Variants in CLASP1 observed in about 807,000 individuals in gnomAD.
CLASP1 encodes CLIP-associating protein 1.
CLASP1 carries 38 observed loss-of-function variants against 192.3 expected under a neutral mutation model. The observed-to-expected ratio is 0.20, with a 90% CI of 0.15 to 0.26. The LOEUF (loss-of-function observed/expected upper bound fraction) is 0.26, where lower values mean the gene tolerates loss of function less well. Among genes scored for constraint, CLASP1 ranks in the 10% least tolerant of loss-of-function variants. The pLI is 1.00. For missense variants in CLASP1, 1,433 were observed against 1,932.5 expected (o/e 0.74, Z 4.85); for synonymous variants, 691 against 712.8 (o/e 0.97, Z 0.49).
chr2:121,586,130 C>A (rs1261843509), intron 2 of CLASP1, among the ~76,000 whole-genome samples: 1 of 151,804 alleles, frequency 6.6e-6, no homozygotes, highest in African/African-American at 2.4e-5. Context: ...GGACCCTATT[C>A]TTTTTTTCTT....
chr2:121,349,842 AG>A (rs1008653922), intron 37 of CLASP1, among the ~76,000 whole-genome samples: 13 of 152,338 alleles, frequency 8.5e-5, no homozygotes, highest in African/African-American at 3.1e-4. Context: ...TGAGCAAGAA[AG>A]AGGACAGCAG....
exon 14 of CLASP1, chr2:121,457,698 G>A (rs748141858): frequency 1.6e-5 from 26 of 1,611,332 alleles, no homozygotes; most frequent in Admixed American, 3.3e-5. Flanking sequence ...TTCTAACTGC[G>A]ACAGACTTAG....
At chr2:121,461,152 A>G (rs374655032) in exon 11 of CLASP1, 21 of 1,606,282 alleles carry the variant, frequency 1.3e-5, no homozygotes, top group Non-Finnish European at 1.7e-5. Flanking sequence ...ATATTTCCCT[A>G]ATTTTGTTTA....
chr2:121,527,182 T>A (rs1237694892), intron 5 of CLASP1, among the ~76,000 whole-genome samples: 1 of 152,202 alleles, frequency 6.6e-6, no homozygotes, highest in African/African-American at 2.4e-5. Flanking sequence ...TAGAAACTTG[T>A]ACATGAATGT....
At chr2:121,531,037 T>G (rs548176558) in intron 2 of CLASP1, 2 of 699,434 alleles carry the variant, frequency 2.9e-6, no homozygotes, top group Non-Finnish European at 5.2e-6. Context: ...GACTTATCAG[T>G]TCAAACAGCA....
intron 2 of CLASP1, among the ~76,000 whole-genome samples, chr2:121,535,476 A>G (rs1030299898): frequency 2.6e-5 from 4 of 152,220 alleles, no homozygotes; most frequent in African/African-American, 4.8e-5. Context: ...GAAGAGAACT[A>G]AACAGGAAAC....
chr2:121,531,200 A>C (rs556482665), intron 2 of CLASP1, among the ~76,000 whole-genome samples: 1 of 152,094 alleles, frequency 6.6e-6, no homozygotes, highest in African/African-American at 2.4e-5. Flanking sequence ...CTTTACGCCG[A>C]TCATCAACTG....
At position 121,425,267 on chromosome 2, in the gene CLASP1, C is replaced by G. The variant is rs763214607; in HGVS notation, c.2084G>C (p.Ser695Thr). 1.6e-5 allele frequency: 26 copies of G among 1,612,570 alleles called. No homozygotes were observed. Among genetic ancestry groups the G allele is most frequent in the Non-Finnish European group, 2.2e-5 (26 of 1,179,606 alleles). ...GCCCCCAGTAAGTCCACCATAACCACTTCCCAACAATTTTCCTGGGGAACT... is the reference window on the plus strand; with the variant it reads ...GCCCCCAGTAAGTCCACCATAACCAGTTCCCAACAATTTTCCTGGGGAACT... Residue 695 changes from serine (S) to threonine (T), a missense_variant, in exon 22 of 40, where the codon AGT (serine) becomes ACT (threonine). Ser to Thr is a moderately conservative substitution (Grantham distance 58). Around this residue, in one of 8 missense-constraint regions of CLASP1, gnomAD observed 445 missense variants for 535.5 expected, o/e 0.83. Coordinates refer to ENST00000263710, the Ensembl canonical transcript of CLASP1.
rs371749022 is a variant in CLASP1, at chr2:121,530,976, T to C, written c.196-651A>G. 12 of 700,314 alleles carry C rather than the reference T, an allele frequency of 1.7e-5. 1 individual carries two copies. The East Asian group carries it at 2.7e-4, about 16-fold the overall frequency. 43.4% of individuals were successfully genotyped at this position (700,314 alleles called of 1,614,324 possible). ...ACAACACACCCGCATCAACTAGAGC[T>C]TTTGCTTTATTTTGGTGCAATTTTT... On this transcript the variant is annotated intron_variant, in intron 2 of 39. Coordinates refer to ENST00000263710, the Ensembl canonical transcript of CLASP1.
Position 121,604,599 on chromosome 2 carries a change from T to C in CLASP1, c.195+1102A>G, listed in dbSNP as rs185156597. 2.1e-3 allele frequency among the ~76,000 whole-genome samples: 314 copies of C among 152,130 alleles called. 1 individual carries two copies. The Middle Eastern group carries it at 0.024, about 12-fold the overall frequency. On this transcript the variant is annotated intron_variant, in intron 2 of 39. Coordinates refer to ENST00000263710, the Ensembl canonical transcript of CLASP1. ...GGGAGGATTGCTTGAGCCCAGGAGG[T>C]GGAGGTTGCAGTGAGCCAAGATAGT... is the stretch of plus-strand genomic sequence containing the variant.
At position 121,622,550 on chromosome 2, in the gene CLASP1, C is replaced by T. The variant is rs963314129; in HGVS notation, c.-285-16370G>A. ...TGCCACTGCACTCCAGCGTGGGCGA[C>T]GAGTGAGACCCTGTCTCAAAAAAAA... is the stretch of plus-strand genomic sequence containing the variant. On this transcript the variant is annotated intron_variant, in intron 1 of 39. Coordinates refer to ENST00000263710, the Ensembl canonical transcript of CLASP1. Among the ~76,000 whole-genome samples the T allele has an allele frequency of 1.1e-4, 16 of 148,016 alleles. No individual in the cohort carries two copies. In the East Asian group the frequency reaches 3.0e-3, roughly 28 times the overall value.
At chr2:121,534,263 C>A (rs925600881) in intron 2 of CLASP1, among the ~76,000 whole-genome samples, 1 of 152,154 alleles carries the variant, frequency 6.6e-6, no homozygotes, top group Non-Finnish European at 1.5e-5. Context: ...ACCTAGTTAA[C>A]CCCCTACCAC....
rs747200495 is a variant in CLASP1 at position 121,449,129 on chromosome 2, AAC to A, written c.1524-11_1524-10del. 3.7e-6 allele frequency: 6 copies of A among 1,613,132 alleles called. No homozygotes were observed. In the Admixed American group the frequency reaches 1.0e-4, roughly 27 times the overall value. On this transcript the variant is annotated splice_polypyrimidine_tract_variant and intron_variant, in intron 16 of 39. Transcript: ENST00000263710. ...GGAAACCCCAGTAACATCTAGAGGA[AAC>A]ACACAAAATCCTGGTCTAATTCAAG...
exon 2 of CLASP1, chr2:121,606,107 G>A: frequency 1.8e-6 from 1 of 564,152 alleles, no homozygotes; most frequent in Non-Finnish European, 3.2e-6. Context: ...ATAACTAGTA[G>A]GAGATAAAGG....
At chr2:121,405,152 T>TA (rs1356215473) in intron 25 of CLASP1, among the ~76,000 whole-genome samples, 1 of 151,808 alleles carries the variant, frequency 6.6e-6, no homozygotes, top group African/African-American at 2.4e-5. Context: ...CTACTAAAAA[T>TA]AAAAAAATTA....
chr2:121,506,725 C>G (rs115475947), intron 7 of CLASP1, among the ~76,000 whole-genome samples: 2,052 of 152,244 alleles, frequency 0.013, 42 homozygotes, highest in African/African-American at 0.04. Context: ...TTTCAGAGCA[C>G]TGAAAGCATG....
chr2:121,636,433 GCGGGTGGATCAC>G (rs1384066715), intron 1 of CLASP1, among the ~76,000 whole-genome samples: 1 of 151,328 alleles, frequency 6.6e-6, no homozygotes, highest in African/African-American at 2.4e-5. Flanking sequence ...GGAGGCCGAG[GCGGGTGGATCAC>G]CTGAGGTCAG....
intron 31 of CLASP1, among the ~76,000 whole-genome samples, 194 bp from the exon 33 acceptor site, chr2:121,387,422 T>G (rs1225962015): frequency 1.3e-5 from 2 of 152,024 alleles, no homozygotes; most frequent in Admixed American, 1.3e-4. Flanking sequence ...ATACAAGCAC[T>G]CCTGGAGTCA....
intron 19 of CLASP1, among the ~76,000 whole-genome samples, chr2:121,432,298 T>C (rs2081572518): frequency 6.6e-6 from 1 of 152,116 alleles, no homozygotes; most frequent in Admixed American, 6.5e-5. Flanking sequence ...TTTGTATTTT[T>C]AGTAGAGTCA....
Sources: gnomAD v4.1 joint callset for allele counts (sites outside exome capture counted in the v4.1 genomes callset) on GRCh38, gnomAD v4.1.1 for gene constraint, gnomAD v4.1.1 regional missense constraint, MANE v1.5 for transcripts, NCBI Gene and HGNC (gene_info 2026-07-23, HGNC 2026-07-21) for gene names.